Variants in CRMP1 observed in about 807,000 individuals in gnomAD.
CRMP1 encodes the protein collapsin response mediator protein 1.
A neutral mutation model predicts 68.3 loss-of-function variants in CRMP1; 19 were observed. That is an observed-to-expected ratio of 0.28 (90% CI 0.19 to 0.41). The LOEUF (loss-of-function observed/expected upper bound fraction) is 0.41, where lower values mean the gene tolerates loss of function less well. Among genes scored for constraint, CRMP1 ranks in the 10% least tolerant of loss-of-function variants. The pLI, the probability that CRMP1 is intolerant of heterozygous loss-of-function variation, is 1.00. For missense variants in CRMP1, 791 were observed against 967.4 expected (o/e 0.82, Z 2.42); for synonymous variants, 439 against 399.6 (o/e 1.10, Z -1.18).
rs1712533816 is a variant in CRMP1, at chr4:5,850,373, T to C, written c.883-901A>G. Among the ~76,000 whole-genome samples, 1 of 152,228 alleles carries C rather than the reference T, an allele frequency of 6.6e-6. No individual in the cohort carries two copies. Among genetic ancestry groups the C allele is most frequent in the African/African-American group, 2.4e-5 (1 of 41,458 alleles). ...AATTATGCCAGCACATCACATGCTA[T>C]GTTTTCTATGTAACTGAACCAATTT... On this transcript the variant is annotated intron_variant, in intron 5 of 13. Transcript: ENST00000324989. This position sits in a 1 kb window ranked among gnomAD's most constrained non-coding sequence, Gnocchi z 4.4.
In CRMP1 at chr4:5,881,185, C is replaced by T. The variant is rs1218168940; in HGVS notation, c.381+11404G>A. The stretch of plus-strand genomic sequence containing the variant: ...GTGGGGAACTACAACCTCATATATC[C>T]ACAAACATTGCTTTCTTCCTTTTAG... On this transcript the variant is annotated intron_variant, in intron 1 of 13. Coordinates refer to ENST00000324989, the MANE Select transcript of CRMP1 (RefSeq NM_001014809.3). The surrounding 1 kb of genome is among the most constrained non-coding windows in gnomAD (Gnocchi z 4.6). Among the ~76,000 whole-genome samples the T allele has an allele frequency of 1.3e-5, 2 of 152,188 alleles. No homozygotes were observed. The highest frequency in any genetic ancestry group is 2.9e-5 in the Non-Finnish European group (2 of 68,032).
At position 5,836,100 on chromosome 4, in the gene CRMP1, C is replaced by A; in HGVS notation, c.1453-15G>T. ...TTGCCAGTAGCCTACAGGCAAGACC[C>A]ACAGATGAGAAGAGCATCTCATAAT... On this transcript the variant is annotated splice_polypyrimidine_tract_variant and intron_variant, in intron 10 of 13. Transcript: ENST00000324989. The A allele has an allele frequency of 6.8e-7, 1 of 1,470,628 alleles. No homozygotes were observed. 91.1% of individuals were successfully genotyped at this position (1,470,628 alleles called of 1,614,324 possible).
intron 13 of CRMP1, among the ~76,000 whole-genome samples, chr4:5,822,993 C>A (rs951574615): frequency 3.9e-5 from 6 of 152,196 alleles, no homozygotes; most frequent in Non-Finnish European, 7.3e-5. Flanking sequence ...CCCTTTCATA[C>A]TTTTTCTAAT....
chr4:5,833,530 G>C (rs1720522407), intron 11 of CRMP1, among the ~76,000 whole-genome samples: 1 of 143,588 alleles, frequency 7.0e-6, no homozygotes, highest in Non-Finnish European at 1.5e-5. Context: ...CTTTATAACA[G>C]CGTCCAGAGG....
Position 5,833,472 on chromosome 4 carries a change from C to A in CRMP1, c.1623+2443G>T, listed in dbSNP as rs183237314. ...TGAGCCACCGCGCCCGGCCCCAGAA[C>A]TTTTAAGAGATGAAATTTCTTTTGT... On this transcript the variant is annotated intron_variant, in intron 11 of 13. Transcript: ENST00000324989. Among the ~76,000 whole-genome samples the A allele has an allele frequency of 2.4e-3, 359 of 151,956 alleles. 32 individuals carry two copies. Among genetic ancestry groups the A allele is most frequent in the Admixed American group, 0.021 (317 of 15,142 alleles).
At position 5,892,057 on chromosome 4, in the gene CRMP1, G is replaced by A. The variant is rs543167335; in HGVS notation, c.381+532C>T. On this transcript the variant is annotated intron_variant, in intron 1 of 13. Transcript: ENST00000324989. This position sits in a 1 kb window ranked among gnomAD's most constrained non-coding sequence, Gnocchi z 8.6. ...AATCCTTCCCCCCAGCAAGCATGAG[G>A]GGAGCGCTCGGAAAAAAAGCTCCTT... 9.2e-5 allele frequency among the ~76,000 whole-genome samples: 14 copies of A among 152,252 alleles called. No homozygotes were observed. The South Asian group carries it at 2.9e-3, about 32-fold the overall frequency.
At chr4:5,830,881 A>G (rs745833821) in intron 11 of CRMP1, among the ~76,000 whole-genome samples, 1 of 152,218 alleles carries the variant, frequency 6.6e-6, no homozygotes, top group Non-Finnish European at 1.5e-5. Flanking sequence ...ATTAGAAAGA[A>G]TTGATATGTT....
At chr4:5,824,096 T>C (rs1719139310) in intron 13 of CRMP1, among the ~76,000 whole-genome samples, 1 of 152,196 alleles carries the variant, frequency 6.6e-6, no homozygotes, top group African/African-American at 2.4e-5. Context: ...TTCATTGTTA[T>C]TCTTGTTCTA....
rs1356077431 is a variant in CRMP1 at position 5,825,595 on chromosome 4, G to T, written c.1868C>A (p.Thr623Lys). The change falls in exon 13 of 14, where the codon ACA (threonine) becomes AAA (lysine). Residue 623 changes from threonine (T) to lysine (K), a missense_variant. Coordinates refer to ENST00000324989, the MANE Select transcript of CRMP1 (RefSeq NM_001014809.3). This position sits in a 1 kb window ranked among gnomAD's most constrained non-coding sequence, Gnocchi z 4.4. ...YDGPVYEVPA[T>K]PKYATPAPSA... Reference sequence around the variant, plus strand: ...AGGAGCGGGAGTTGCATATTTGGGTGTAGCTGGTACCTCGTACACAGGACC... The same window carrying T: ...AGGAGCGGGAGTTGCATATTTGGGTTTAGCTGGTACCTCGTACACAGGACC... 1.2e-6 allele frequency: 2 copies of T among 1,602,620 alleles called. No individual in the cohort carries two copies. Among genetic ancestry groups the T allele is most frequent in the East Asian group, 2.3e-5 (1 of 44,178 alleles).
At chr4:5,856,836 T>G in intron 3 of CRMP1, among the ~76,000 whole-genome samples, 1 of 137,922 alleles carries the variant, frequency 7.3e-6, no homozygotes, top group Non-Finnish European at 1.6e-5. Context: ...CATCCACTAT[T>G]ATCACCACTA....
At chr4:5,862,871 T>C (rs986162629) in intron 2 of CRMP1, among the ~76,000 whole-genome samples, 8 of 152,112 alleles carry the variant, frequency 5.3e-5, no homozygotes, top group African/African-American at 1.7e-4. Context: ...GTGGTACAGG[T>C]CATGGCTCAC....
In CRMP1 at chr4:5,877,932, A is replaced by G. The variant is rs1447665209; in HGVS notation, c.382-11176T>C. On this transcript the variant is annotated intron_variant, in intron 1 of 13. Transcript: ENST00000324989. The surrounding 1 kb of genome is among the most constrained non-coding windows in gnomAD (Gnocchi z 4.3). ...CATAGGGAAAGACGATGCTAGCTGC[A>G]TGTGTGATCGGTAACTTGACCCATT... is the stretch of plus-strand genomic sequence containing the variant. Among the ~76,000 whole-genome samples, 2 of 152,194 alleles carry G rather than the reference A, an allele frequency of 1.3e-5. No homozygotes were observed. Among genetic ancestry groups the G allele is most frequent in the African/African-American group, 4.8e-5 (2 of 41,456 alleles).
At position 5,843,151 on chromosome 4, in the gene CRMP1, C is replaced by T. The variant is rs751597431; in HGVS notation, c.974G>A (p.Arg325Gln). The change falls in exon 7 of 14, where the codon CGG (arginine) becomes CAG (glutamine). Residue 325 changes from arginine to glutamine, a missense_variant. Physicochemically the swap from Arg to Gln is conservative, Grantham distance 43 (BLOSUM62 1). This residue lies in a region of CRMP1 where 594 missense variants were observed against 763.6 expected (regional missense o/e 0.78). Coordinates refer to ENST00000324989, the MANE Select transcript of CRMP1 (RefSeq NM_001014809.3). The surrounding 1 kb of genome is among the most constrained non-coding windows in gnomAD (Gnocchi z 4.1). The part of the protein sequence containing the change: ...NGDLIAQEQK[R>Q]ILEMGITGPE... The stretch of plus-strand genomic sequence containing the variant: ...ACCCGTGATGCCCATCTCCAGGATC[C>T]GCTTTTGTTCCTACAAGACAAGAAC... The T allele has an allele frequency of 2.3e-5, 37 of 1,614,138 alleles. No individual in the cohort carries two copies. Among genetic ancestry groups the T allele is most frequent in the East Asian group, 8.9e-5 (4 of 44,870 alleles).
Position 5,841,408 on chromosome 4 carries a change from G to A in CRMP1, c.1053C>T (p.Phe351=), listed in dbSNP as rs1577770006. Residue 351 remains phenylalanine (F), a synonymous_variant, in exon 8 of 14, where the codon TTC becomes TTT. Coordinates refer to ENST00000324989, the MANE Select transcript of CRMP1 (RefSeq NM_001014809.3). This position sits in a 1 kb window ranked among gnomAD's most constrained non-coding sequence, Gnocchi z 6.9. ...TCCGGCCCGCAATGGTGATGGCCCG[G>A]AACACCGCCTCGGCCTCCAGCTGAA... ...RPEELEAEAV[F]RAITIAGRIN... 5 of 1,614,168 alleles carry A rather than the reference G, an allele frequency of 3.1e-6. No homozygotes were observed. Among genetic ancestry groups the A allele is most frequent in the East Asian group, 2.2e-5 (1 of 44,886 alleles).
chr4:5,889,859 T>TGA lies in CRMP1; in HGVS notation c.381+2728_381+2729dup. On this transcript the variant is annotated intron_variant, in intron 1 of 13. Transcript: ENST00000324989. This position sits in a 1 kb window ranked among gnomAD's most constrained non-coding sequence, Gnocchi z 4.5. The stretch of plus-strand genomic sequence containing the variant: ...AGACACCTGGGCCTTAAAATAGAGG[T>TGA]GAGGTTTTAGCTTCACAGAGAAGCC... 6.9e-7 allele frequency: 1 copy of TGA among 1,441,226 alleles called. No individual in the cohort carries two copies. The highest frequency in any genetic ancestry group is 1.5e-5 in the South Asian group (1 of 68,240). The allele number at this position is 1,441,226 out of a possible 1,614,324, so 89.3% of individuals were successfully genotyped here. A position where few individuals can be genotyped will look rare whatever the true frequency, so the allele number is the denominator to read the frequency against.
chr4:5,877,002 C>T lies in CRMP1; in HGVS notation c.382-10246G>A, dbSNP rs1015548769. Among the ~76,000 whole-genome samples, 13 of 152,198 alleles carry T rather than the reference C, an allele frequency of 8.5e-5. No homozygotes were observed. The highest frequency in any genetic ancestry group is 6.2e-4 in the South Asian group (3 of 4,818). On this transcript the variant is annotated intron_variant, in intron 1 of 13. Coordinates refer to ENST00000324989, the MANE Select transcript of CRMP1 (RefSeq NM_001014809.3). This position sits in a 1 kb window ranked among gnomAD's most constrained non-coding sequence, Gnocchi z 4.3. ...GCCCCACTGACTGTGGGTGTTCTGC[C>T]CATGTGACCTGCTTTGGCTGGGAGT...
At position 5,825,910 on chromosome 4, in the gene CRMP1, CCACGCACACG is replaced by C. The variant is rs1360986386; in HGVS notation, c.1804-261_1804-252del. 3.9e-6 allele frequency: 2 copies of C among 517,654 alleles called. No homozygotes were observed. The highest frequency in any genetic ancestry group is 6.7e-6 in the Non-Finnish European group (2 of 296,672). 32.1% of individuals were successfully genotyped at this position (517,654 alleles called of 1,614,324 possible). Reference sequence around the variant, plus strand: ...ATGCATACACATACAGACGCACACACCACGCACACGCACTCACATACATGCAGTCATGCAC... The same window carrying C: ...ATGCATACACATACAGACGCACACACCACTCACATACATGCAGTCATGCAC... On this transcript the variant is annotated intron_variant, in intron 12 of 13. Transcript: ENST00000324989. The surrounding 1 kb of genome is among the most constrained non-coding windows in gnomAD (Gnocchi z 4.4).
chr4:5,866,900 T>G lies in CRMP1; in HGVS notation c.382-144A>C. The G allele has an allele frequency of 1.7e-6, 1 of 572,222 alleles. No individual in the cohort carries two copies. Among genetic ancestry groups the G allele is most frequent in the Non-Finnish European group, 3.1e-6 (1 of 324,624 alleles). 35.4% of individuals were successfully genotyped at this position (572,222 alleles called of 1,614,324 possible). On this transcript the variant is annotated intron_variant, in intron 1 of 13. Transcript: ENST00000324989. This position sits in a 1 kb window ranked among gnomAD's most constrained non-coding sequence, Gnocchi z 5.9. ...CCCCGCCCCAGATCCATCACCAGCTTCAATACTTCTCTATCCAATACTTCC... is the reference window on the plus strand; with the variant it reads ...CCCCGCCCCAGATCCATCACCAGCTGCAATACTTCTCTATCCAATACTTCC...
rs562173531 is a variant in CRMP1, at chr4:5,890,609, G to A, written c.381+1980C>T. 5.3e-5 allele frequency among the ~76,000 whole-genome samples: 8 copies of A among 152,334 alleles called. No homozygotes were observed. The highest frequency in any genetic ancestry group is 6.8e-3 in the Middle Eastern group (2 of 294). On this transcript the variant is annotated intron_variant, in intron 1 of 13. Coordinates refer to ENST00000324989, the MANE Select transcript of CRMP1 (RefSeq NM_001014809.3). This position sits in a 1 kb window ranked among gnomAD's most constrained non-coding sequence, Gnocchi z 5.5. ...GAAGCTCGAGTGCTTTCGGAGCCCC[G>A]GGAGCGCCAGAGGCGCTGCCTTTTG...
Sources: gnomAD v4.1 joint callset for allele counts (sites outside exome capture counted in the v4.1 genomes callset) on GRCh38, gnomAD v4.1.1 for gene constraint, gnomAD v4.1.1 regional missense constraint, Gnocchi (gnomAD v3.1) non-coding constraint, MANE v1.5 for transcripts, NCBI Gene and HGNC (gene_info 2026-07-23, HGNC 2026-07-21) for gene names.